USP10: variants seen among roughly 807,000 people sequenced by gnomAD.
USP10 encodes the protein ubiquitin carboxyl-terminal hydrolase 10.
Under a neutral mutation model 84.5 loss-of-function variants are expected in USP10, and 22 were observed. The ratio of observed to expected loss-of-function variants is 0.26; its 90% CI spans 0.19 to 0.37. USP10 has a LOEUF of 0.37. Ranked by LOEUF, USP10 falls within the 10% of genes least tolerant of loss-of-function variation. The pLI, the probability that USP10 is intolerant of heterozygous loss-of-function variation, is 1.00. For missense variants in USP10, 1,019 were observed against 998.9 expected, an observed-to-expected ratio of 1.02 and a Z score of -0.27; for synonymous variants, 454 against 387.6, an observed-to-expected ratio of 1.17 and a Z score of -2.01.
intron 4 of USP10, among the ~76,000 whole-genome samples, chr16:84,754,852 GA>G (rs1330654242): frequency 1.3e-5 from 2 of 152,124 alleles, no homozygotes; most frequent in Admixed American, 6.6e-5. Flanking sequence ...TTAAGAACAT[GA>G]AAGGAGGCCA....
At chr16:84,764,357 C>T (rs941515566) in intron 10 of USP10, 94 bp downstream of exon 10, 42 of 1,523,904 alleles carry the variant, frequency 2.8e-5, no homozygotes, top group East Asian at 4.5e-5. Context: ...TTTGAGACTT[C>T]TTGGACGTAA....
chr16:84,760,919 C>T (rs1913132679), intron 8 of USP10, among the ~76,000 whole-genome samples: 1 of 152,080 alleles, frequency 6.6e-6, no homozygotes, highest in Non-Finnish European at 1.5e-5. Flanking sequence ...GAAATGTATT[C>T]AGAGAGAAAA....
intron 1 of USP10, among the ~76,000 whole-genome samples, chr16:84,700,646 GA>G (rs1355720002): frequency 6.6e-6 from 1 of 152,210 alleles, no homozygotes; most frequent in Admixed American, 6.5e-5. Context: ...TTTTTAGATA[GA>G]AGTAGCAGAG....
At chr16:84,775,021 C>CTG (rs1914850498) in intron 12 of USP10, 139 bp from the exon 13 acceptor site, 1 of 717,588 alleles carries the variant, frequency 1.4e-6, no homozygotes. Flanking sequence ...TTTTGTGCAA[C>CTG]TGAAGGGATA....
Position 84,745,213 on chromosome 16 carries a change from G to A in USP10, c.732G>A (p.Gly244=), listed in dbSNP as rs1255097981. 6.2e-7 allele frequency: 1 copy of A among 1,613,166 alleles called. No individual in the cohort carries two copies. Among genetic ancestry groups the A allele is most frequent in the South Asian group, 1.1e-5 (1 of 91,004 alleles). The change falls in exon 4 of 14, where the codon GGG becomes GGA. Residue 244 remains glycine, a synonymous_variant. Transcript: ENST00000219473. ...CCAGGACTGCAGGGCAGCCAGAGGG[G>A]GGCCCCGGGGCTGATTTTGGTCAGT... ...SDTRTAGQPE[G]GPGADFGQSC...
At position 84,771,707 on chromosome 16, in the gene USP10, A is replaced by G. The variant is rs150557914; in HGVS notation, c.1999-834A>G. Among the ~76,000 whole-genome samples the G allele has an allele frequency of 8.4e-4, 128 of 152,196 alleles. 1 individual carries two copies. The highest frequency in any genetic ancestry group is 9.3e-4 in the Non-Finnish European group (63 of 68,002). On this transcript the variant is annotated intron_variant, in intron 11 of 13. Coordinates refer to ENST00000219473, the MANE Select transcript of USP10 (RefSeq NM_005153.3). ...AACATGGTGAAACCCCTTCTTTACT[A>G]AAAATACAAAATTAGCCAGATGTGG...
At chr16:84,754,598 A>G (rs181487748) in intron 4 of USP10, among the ~76,000 whole-genome samples, 1 of 152,322 alleles carries the variant, frequency 6.6e-6, no homozygotes, top group African/African-American at 2.4e-5. Flanking sequence ...ATACTGTGCA[A>G]GAAAAACTGA....
chr16:84,714,293 T>G (rs1906709054), intron 1 of USP10, among the ~76,000 whole-genome samples: 1 of 152,204 alleles, frequency 6.6e-6, no homozygotes, highest in South Asian at 2.1e-4. Flanking sequence ...GGAATGACAC[T>G]TGTTTAGTAA....
chr16:84,716,042 G>A (rs1034737647), intron 1 of USP10, among the ~76,000 whole-genome samples: 5 of 152,152 alleles, frequency 3.3e-5, no homozygotes, highest in Non-Finnish European at 5.9e-5. Flanking sequence ...CGAGGAGGGT[G>A]GTATGCCAAG....
rs140537063 is a variant in USP10 at position 84,743,463 on chromosome 16, T to C, written c.152-1170T>C. Among the ~76,000 whole-genome samples, 812 of 152,302 alleles carry C rather than the reference T, an allele frequency of 5.3e-3. 15 individuals are homozygous for C. Among genetic ancestry groups the C allele is most frequent in the African/African-American group, 0.019 (769 of 41,566 alleles). ...ATTTTTTCTTCTACAAAAAGATTTC[T>C]AGGGGTCCTTTCAAGGTAAAATATA... On this transcript the variant is annotated intron_variant, in intron 3 of 13. Transcript: ENST00000219473.
chr16:84,777,470 T>G (rs1168614158), intron 13 of USP10, among the ~76,000 whole-genome samples: 2 of 152,210 alleles, frequency 1.3e-5, no homozygotes, highest in African/African-American at 2.4e-5. Flanking sequence ...TCATGGGTGC[T>G]TCCTGCCCTT....
chr16:84,773,989 C>G (rs974358018), intron 12 of USP10, among the ~76,000 whole-genome samples: 13 of 152,156 alleles, frequency 8.5e-5, no homozygotes, highest in Non-Finnish European at 1.6e-4. Context: ...GTGGCTCACA[C>G]CTGTAATCCC....
intron 12 of USP10, among the ~76,000 whole-genome samples, chr16:84,773,193 C>T (rs1914633760): frequency 6.6e-6 from 1 of 152,168 alleles, no homozygotes; most frequent in Non-Finnish European, 1.5e-5. Context: ...TAAAGAGCCC[C>T]AGGTTAAAGG....
At chr16:84,734,999 G>A (rs553613474) in intron 2 of USP10, among the ~76,000 whole-genome samples, 7 of 152,100 alleles carry the variant, frequency 4.6e-5, no homozygotes, top group East Asian at 1.9e-4. Flanking sequence ...AACACCACAC[G>A]TTTTATTTTA....
chr16:84,773,365 T>C (rs1287505069), intron 12 of USP10, among the ~76,000 whole-genome samples: 1 of 152,164 alleles, frequency 6.6e-6, no homozygotes, highest in African/African-American at 2.4e-5. Flanking sequence ...ACACTGGGCC[T>C]CACTCCTGGG....
intron 1 of USP10, among the ~76,000 whole-genome samples, chr16:84,718,313 G>T (rs1907322608): frequency 6.6e-6 from 1 of 152,196 alleles, no homozygotes; most frequent in African/African-American, 2.4e-5. Context: ...GAGTGCAGTG[G>T]TGCAATCATG....
At chr16:84,757,781 C>G (rs1448406724) in intron 4 of USP10, among the ~76,000 whole-genome samples, 1 of 152,086 alleles carries the variant, frequency 6.6e-6, no homozygotes, top group African/African-American at 2.4e-5. Flanking sequence ...TACCTGGCTC[C>G]TGTGTGATCA....
intron 1 of USP10, among the ~76,000 whole-genome samples, chr16:84,724,755 C>G (rs1309195351): frequency 6.6e-6 from 1 of 152,136 alleles, no homozygotes; most frequent in Non-Finnish European, 1.5e-5. Context: ...AAGTTTTACT[C>G]TCGTAGTCTC....
chr16:84,766,123 T>C (rs1913832229), intron 10 of USP10, among the ~76,000 whole-genome samples: 2 of 152,168 alleles, frequency 1.3e-5, no homozygotes, highest in Admixed American at 1.3e-4. Context: ...TGATTCAGTC[T>C]CAGTTCTGAG....
Sources: gnomAD v4.1 joint callset for allele counts (sites outside exome capture counted in the v4.1 genomes callset) on GRCh38, gnomAD v4.1.1 for gene constraint, MANE v1.5 for transcripts, NCBI Gene and HGNC (gene_info 2026-07-23, HGNC 2026-07-21) for gene names.